The following PAFAH1B2 variants were observed in gnomAD, a reference collection of about 807,000 sequenced individuals.
The protein encoded by PAFAH1B2 is platelet activating factor acetylhydrolase 1b catalytic subunit 2, also known as platelet-activating factor acetylhydrolase IB subunit alpha2.
Under a neutral mutation model 28.0 loss-of-function variants are expected in PAFAH1B2, and 8 were observed. The ratio of observed to expected loss-of-function variants is 0.29; its 90% CI spans 0.17 to 0.52. The LOEUF is 0.52. Ranked by LOEUF, PAFAH1B2 falls within the 20% of genes least tolerant of loss-of-function variation. PAFAH1B2 has a pLI of 0.97. For synonymous variants in PAFAH1B2, 104 were observed against 103.2 expected (o/e 1.01, Z -0.05); for missense variants, 190 against 282.6 (o/e 0.67, Z 2.35).
At chr11:117,155,231 A>G (rs983465249) in intron 2 of PAFAH1B2, among the ~76,000 whole-genome samples, 11 of 139,990 alleles carry the variant, frequency 7.9e-5, no homozygotes, top group African/African-American at 3.3e-4. Flanking sequence ...CTGGGATTAC[A>G]GGCGTGAGCC....
In PAFAH1B2 at chr11:117,168,446, G is replaced by T. The variant is rs1053293264; in HGVS notation, c.*747G>T. The T allele has an allele frequency of 4.6e-3, 1,072 of 235,584 alleles. No homozygotes were observed. Among genetic ancestry groups the T allele is most frequent in the Admixed American group, 0.014 (19 of 1,388 alleles). The allele number at this position is 235,584 out of a possible 1,614,324, so 14.6% of individuals were successfully genotyped here. A position where few individuals can be genotyped will look rare whatever the true frequency, so the allele number is the denominator to read the frequency against. On this transcript the variant is annotated 3_prime_UTR_variant, in exon 6 of 6. Transcript: ENST00000527958. Reference sequence around the variant, plus strand: ...TCCCCTTCATTCCCCCCGCCACCCCGTTTTTTTTTTTTTTTTTTTTTTTTT... The same window carrying T: ...TCCCCTTCATTCCCCCCGCCACCCCTTTTTTTTTTTTTTTTTTTTTTTTTT...
chr11:117,161,849 G>A (rs1042722542), intron 4 of PAFAH1B2, among the ~76,000 whole-genome samples: 2 of 152,050 alleles, frequency 1.3e-5, no homozygotes, highest in Non-Finnish European at 2.9e-5. Flanking sequence ...GCTATTCTGT[G>A]GAATGCATAG....
intron 2 of PAFAH1B2, among the ~76,000 whole-genome samples, chr11:117,154,300 G>C (rs935956023): frequency 1.3e-5 from 2 of 152,004 alleles, no homozygotes; most frequent in African/African-American, 4.8e-5. Flanking sequence ...CGAAGGAAAG[G>C]AAAAGAAAAG....
chr11:117,168,277 T>A lies in PAFAH1B2; in HGVS notation c.*578T>A. ...TGAATTTGTTCTGCTTTCTTAATCT[T>A]TTCCATGCTTAGCAGTGAAAAACAG... On this transcript the variant is annotated 3_prime_UTR_variant, in exon 6 of 6. Coordinates refer to ENST00000527958, the MANE Select transcript of PAFAH1B2 (RefSeq NM_002572.4). 2 of 1,063,354 alleles carry A rather than the reference T, an allele frequency of 1.9e-6. No homozygotes were observed. The highest frequency in any genetic ancestry group is 9.1e-5 in the South Asian group (2 of 21,956). The allele number at this position is 1,063,354 out of a possible 1,614,324, so 65.9% of individuals were successfully genotyped here. A position where few individuals can be genotyped will look rare whatever the true frequency, so the allele number is the denominator to read the frequency against.
chr11:117,164,010 CT>C (rs1305252868), intron 5 of PAFAH1B2, 118 bp downstream of exon 5: 10 of 1,018,126 alleles, frequency 9.8e-6, no homozygotes, highest in Middle Eastern at 4.3e-4. Context: ...GTTTATCATA[CT>C]TTCGTTGACC....
chr11:117,151,029 G>A (rs1204605627), intron 1 of PAFAH1B2, among the ~76,000 whole-genome samples: 2 of 149,594 alleles, frequency 1.3e-5, no homozygotes, highest in Non-Finnish European at 3.0e-5. Context: ...TCTATAAACC[G>A]CAAAACCCCA....
At position 117,168,692 on chromosome 11, in the gene PAFAH1B2, G is replaced by T. The variant is rs1292506217; in HGVS notation, c.*993G>T. On this transcript the variant is annotated 3_prime_UTR_variant, in exon 6 of 6. Coordinates refer to ENST00000527958, the MANE Select transcript of PAFAH1B2 (RefSeq NM_002572.4). ...TAACAGTTTTTTTTGGGGGTGGGGGGATTCAGAACTCTTGTTTCCCATTCC... is the reference window on the plus strand; with the variant it reads ...TAACAGTTTTTTTTGGGGGTGGGGGTATTCAGAACTCTTGTTTCCCATTCC... 2.8e-6 allele frequency: 3 copies of T among 1,059,856 alleles called. No individual in the cohort carries two copies. Among genetic ancestry groups the T allele is most frequent in the African/African-American group, 1.7e-5 (1 of 60,522 alleles). 65.7% of individuals were successfully genotyped at this position (1,059,856 alleles called of 1,614,324 possible).
At chr11:117,149,337 C>T (rs1172288050) in intron 1 of PAFAH1B2, among the ~76,000 whole-genome samples, 1 of 151,790 alleles carries the variant, frequency 6.6e-6, no homozygotes, top group East Asian at 1.9e-4. Flanking sequence ...CCTGCCTCGG[C>T]CTCCCAAAGT....
chr11:117,164,958 C>CTT lies in PAFAH1B2; in HGVS notation c.411+1080_411+1081dup, dbSNP rs368887694. ...GGCTGAAACAGATAATTTCTTTTTT[C>CTT]TTTTTTTTTTTTTTTGAGACAGAGT... On this transcript the variant is annotated intron_variant, in intron 5 of 5. Coordinates refer to ENST00000527958, the MANE Select transcript of PAFAH1B2 (RefSeq NM_002572.4). Among the ~76,000 whole-genome samples the CTT allele has an allele frequency of 2.9e-3, 381 of 132,162 alleles. 3 individuals carry two copies. Among genetic ancestry groups the CTT allele is most frequent in the Admixed American group, 5.1e-3 (65 of 12,866 alleles). 86.7% of individuals were successfully genotyped at this position (132,162 alleles called of 152,430 possible).
chr11:117,175,056 G>A, downstream of PAFAH1B2: 1 of 1,313,302 alleles, frequency 7.6e-7, no homozygotes, highest in Non-Finnish European at 9.7e-7. Context: ...TGTGTTGAAT[G>A]GTCCCATTTC....
At chr11:117,144,696 C>G (rs951555433) in intron 1 of PAFAH1B2, among the ~76,000 whole-genome samples, 1 of 152,130 alleles carries the variant, frequency 6.6e-6, no homozygotes, top group African/African-American at 2.4e-5. Context: ...AGCCGCCGGC[C>G]GGCGCCTCCA....
rs1463258803 is a variant in PAFAH1B2 at position 117,169,221 on chromosome 11, C to T, written c.*1522C>T. The T allele has an allele frequency of 9.7e-7, 1 of 1,035,634 alleles. No homozygotes were observed. Among genetic ancestry groups the T allele is most frequent in the East Asian group, 6.0e-5 (1 of 16,682 alleles). The allele number at this position is 1,035,634 out of a possible 1,614,324, so 64.2% of individuals were successfully genotyped here. A position where few individuals can be genotyped will look rare whatever the true frequency, so the allele number is the denominator to read the frequency against. On this transcript the variant is annotated 3_prime_UTR_variant, in exon 6 of 6. Coordinates refer to ENST00000527958, the MANE Select transcript of PAFAH1B2 (RefSeq NM_002572.4). ...TTTAGTAAAAACTAGGTTTGTTTCA[C>T]TTCTGAGGTGTCTTATTAATGTACT...
intron 2 of PAFAH1B2, among the ~76,000 whole-genome samples, chr11:117,152,812 C>T (rs1234723256): frequency 1.3e-5 from 2 of 152,182 alleles, no homozygotes; most frequent in African/African-American, 4.8e-5. Flanking sequence ...GTGGCTCACG[C>T]CTATAATCCC....
chr11:117,144,747 CGCCCT>C (rs750096171), intron 1 of PAFAH1B2, among the ~76,000 whole-genome samples: 92 of 152,026 alleles, frequency 6.1e-4, no homozygotes, highest in African/African-American at 1.7e-3. Context: ...CGCCCCGCCC[CGCCCT>C]GCCCTGCCCT....
intron 1 of PAFAH1B2, among the ~76,000 whole-genome samples, chr11:117,146,294 C>A (rs1173705314): frequency 3.3e-5 from 5 of 151,510 alleles, no homozygotes; most frequent in African/African-American, 1.2e-4. Flanking sequence ...GGTTTCGCCA[C>A]GTTGGCCAGG....
chr11:117,167,522 G>C lies in PAFAH1B2; in HGVS notation c.513G>C (p.Gln171His). 6 of 1,613,088 alleles carry C rather than the reference G, an allele frequency of 3.7e-6. No homozygotes were observed. The highest frequency in any genetic ancestry group is 5.1e-6 in the Non-Finnish European group (6 of 1,179,402). Residue 171 changes from glutamine (Q) to histidine (H), a missense_variant, in exon 6 of 6, where the codon CAG (glutamine) becomes CAC (histidine). Gln to His is a conservative substitution (Grantham distance 24). Transcript: ENST00000527958. ...KVSLPKLANV[Q>H]LLDTDGGFVH... ...CGCTGCCGAAGCTTGCCAACGTGCA[G>C]CTCCTGGATACCGACGGGGGTTTTG...
At chr11:117,145,622 A>G (rs1310955345) in intron 1 of PAFAH1B2, among the ~76,000 whole-genome samples, 1 of 152,110 alleles carries the variant, frequency 6.6e-6, no homozygotes, top group African/African-American at 2.4e-5. Context: ...TTGATCATAA[A>G]TTATGGAGGT....
Position 117,169,965 on chromosome 11 carries a change from T to G in PAFAH1B2, c.*2266T>G, listed in dbSNP as rs1956610881. The stretch of plus-strand genomic sequence containing the variant: ...CTGGCCCTCAGCTCCTTTGCTCATG[T>G]GTACAAACCTCAGATGTTACTACAT... On this transcript the variant is annotated 3_prime_UTR_variant, in exon 6 of 6. Coordinates refer to ENST00000527958, the MANE Select transcript of PAFAH1B2 (RefSeq NM_002572.4). The G allele has an allele frequency of 9.5e-7, 1 of 1,053,066 alleles. No individual in the cohort carries two copies. The highest frequency in any genetic ancestry group is 1.1e-6 in the Non-Finnish European group (1 of 871,616). The allele number at this position is 1,053,066 out of a possible 1,614,324, so 65.2% of individuals were successfully genotyped here.
At chr11:117,166,839 C>T (rs889023562) in intron 5 of PAFAH1B2, among the ~76,000 whole-genome samples, 3 of 152,006 alleles carry the variant, frequency 2.0e-5, no homozygotes, top group Non-Finnish European at 4.4e-5. Flanking sequence ...GGGTAGACAA[C>T]GTTGGAGGTG....
Sources: gnomAD v4.1 joint callset for allele counts (sites outside exome capture counted in the v4.1 genomes callset) on GRCh38, gnomAD v4.1.1 for gene constraint, MANE v1.5 for transcripts, NCBI Gene and HGNC (gene_info 2026-07-23, HGNC 2026-07-21) for gene names.